CPNE8: variants seen among roughly 807,000 people sequenced by gnomAD.
CPNE8 encodes the protein copine 8, also known as copine-8.
In CPNE8, 45 loss-of-function variants were observed where a neutral mutation model predicts 81.5. The observed-to-expected ratio is 0.55, with a 90% CI of 0.44 to 0.71. CPNE8 has a LOEUF of 0.71. Ranked by LOEUF, CPNE8 falls within the 30% of genes least tolerant of loss-of-function variation. The pLI is 0.00. For missense variants in CPNE8, 594 were observed against 672.1 expected, an observed-to-expected ratio of 0.88 and a Z score of 1.28; for synonymous variants, 252 against 226.3, an observed-to-expected ratio of 1.11 and a Z score of -1.02.
chr12:38,778,694 T>G (rs1291482915), intron 6 of CPNE8, among the ~76,000 whole-genome samples: 2 of 152,230 alleles, frequency 1.3e-5, no homozygotes, highest in Admixed American at 1.3e-4. Flanking sequence ...AGCACTTAAT[T>G]ATTCCTTAAC....
At chr12:38,858,998 G>A (rs758842410) in intron 3 of CPNE8, among the ~76,000 whole-genome samples, 9 of 152,030 alleles carry the variant, frequency 5.9e-5, no homozygotes, top group African/African-American at 1.9e-4. Flanking sequence ...CATCATACTC[G>A]TTGGTGAAAA....
intron 13 of CPNE8, among the ~76,000 whole-genome samples, chr12:38,713,522 T>C (rs1940313650): frequency 6.6e-6 from 1 of 152,128 alleles, no homozygotes. Flanking sequence ...ATTGATAAAA[T>C]CTGAGAGAGA....
intron 10 of CPNE8, among the ~76,000 whole-genome samples, chr12:38,754,635 T>TA: frequency 6.6e-6 from 1 of 151,730 alleles, no homozygotes. Flanking sequence ...ACTAGATACA[T>TA]ATATAATTAA....
intron 10 of CPNE8, among the ~76,000 whole-genome samples, chr12:38,742,757 T>A (rs1252132131): frequency 6.6e-6 from 1 of 151,722 alleles, no homozygotes; most frequent in Non-Finnish European, 1.5e-5. Flanking sequence ...AAATTTCTTC[T>A]GTTGTTTGCT....
chr12:38,756,885 G>A (rs1941473230), intron 10 of CPNE8, among the ~76,000 whole-genome samples: 1 of 152,114 alleles, frequency 6.6e-6, no homozygotes, highest in Non-Finnish European at 1.5e-5. Flanking sequence ...AACATAAAAT[G>A]TATACCACAT....
intron 13 of CPNE8, among the ~76,000 whole-genome samples, chr12:38,711,291 A>G (rs1042862920): frequency 6.6e-6 from 1 of 152,148 alleles, no homozygotes; most frequent in Non-Finnish European, 1.5e-5. Context: ...ATACCAATAG[A>G]GTGTCAATAT....
intron 10 of CPNE8, among the ~76,000 whole-genome samples, chr12:38,739,826 T>C (rs1171834851): frequency 6.6e-6 from 1 of 152,202 alleles, no homozygotes; most frequent in Non-Finnish European, 1.5e-5. Context: ...CATTTTAACA[T>C]ATGCATTCCA....
intron 10 of CPNE8, among the ~76,000 whole-genome samples, chr12:38,745,657 C>A (rs1941210188): frequency 6.6e-6 from 1 of 152,134 alleles, no homozygotes; most frequent in Non-Finnish European, 1.5e-5. Context: ...ATCCTCCCAC[C>A]TCAGCCTATC....
chr12:38,673,473 G>A (rs1268465214), intron 18 of CPNE8, among the ~76,000 whole-genome samples: 3 of 151,972 alleles, frequency 2.0e-5, no homozygotes, highest in Non-Finnish European at 4.4e-5. Flanking sequence ...TTAAACATGA[G>A]TTTAATATAG....
intron 6 of CPNE8, among the ~76,000 whole-genome samples, chr12:38,825,302 A>G (rs192505933): frequency 1.4e-4 from 21 of 152,266 alleles, no homozygotes; most frequent in Admixed American, 1.3e-3. Flanking sequence ...TTCCACTGAA[A>G]TATCTCAGAT....
At chr12:38,693,249 C>A (rs1684397) in intron 15 of CPNE8, among the ~76,000 whole-genome samples, 2 of 151,996 alleles carry the variant, frequency 1.3e-5, no homozygotes, top group Non-Finnish European at 2.9e-5. Context: ...TTCCAGGCAT[C>A]TCTAGCCATT....
intron 5 of CPNE8, among the ~76,000 whole-genome samples, chr12:38,835,407 G>T (rs534599973): frequency 6.6e-6 from 1 of 152,160 alleles, no homozygotes; most frequent in Non-Finnish European, 1.5e-5. Context: ...TAGTTTAAGT[G>T]CCATAAAGAA....
intron 6 of CPNE8, among the ~76,000 whole-genome samples, chr12:38,806,465 T>C (rs913477370): frequency 1.3e-5 from 2 of 149,920 alleles, no homozygotes; most frequent in Non-Finnish European, 3.0e-5. Context: ...AATCAATAAA[T>C]GTAATCCAGC....
chr12:38,785,808 CT>C (rs1942171725), intron 6 of CPNE8, among the ~76,000 whole-genome samples: 1 of 151,970 alleles, frequency 6.6e-6, no homozygotes, highest in African/African-American at 2.4e-5. Context: ...TGCTTACTTC[CT>C]TGTTTATGCA....
intron 5 of CPNE8, among the ~76,000 whole-genome samples, chr12:38,838,075 T>C (rs889188910): frequency 6.6e-6 from 1 of 152,134 alleles, no homozygotes; most frequent in Non-Finnish European, 1.5e-5. Flanking sequence ...TTAAGGCAAC[T>C]CCACTGATAG....
intron 14 of CPNE8, among the ~76,000 whole-genome samples, chr12:38,697,091 T>C (rs1939815685): frequency 6.6e-6 from 1 of 152,188 alleles, no homozygotes; most frequent in Admixed American, 6.5e-5. Context: ...TCAATGATTG[T>C]TACTATATTC....
intron 3 of CPNE8, among the ~76,000 whole-genome samples, chr12:38,863,132 G>A (rs1293615962): frequency 6.6e-6 from 1 of 152,080 alleles, no homozygotes; most frequent in Non-Finnish European, 1.5e-5. Flanking sequence ...ATCAATATAC[G>A]AAGGTAAAAA....
intron 6 of CPNE8, among the ~76,000 whole-genome samples, chr12:38,807,642 A>C (rs1024738689): frequency 6.6e-6 from 1 of 151,916 alleles, no homozygotes; most frequent in African/African-American, 2.4e-5. Flanking sequence ...CTAAAACCAT[A>C]AGAAGCCTAG....
chr12:38,791,996 G>A (rs1451098480), intron 6 of CPNE8, among the ~76,000 whole-genome samples: 1 of 146,354 alleles, frequency 6.8e-6, no homozygotes, highest in African/African-American at 2.5e-5. Flanking sequence ...TCAAAGAGGA[G>A]ACCATAGGAG....
Sources: allele counts gnomAD v4.1 joint callset (sites outside exome capture counted in the v4.1 genomes callset), GRCh38; gene constraint gnomAD v4.1.1; transcripts MANE v1.5; gene names NCBI Gene and HGNC (gene_info 2026-07-23, HGNC 2026-07-21).